Variants in TSPAN18 observed in about 807,000 individuals in gnomAD.
TSPAN18 encodes the protein tetraspanin 18, also known as tetraspanin-18.
TSPAN18 carries 14 observed loss-of-function variants against 27.3 expected under a neutral mutation model. The observed-to-expected ratio is 0.51, with a 90% CI of 0.34 to 0.80. The LOEUF (loss-of-function observed/expected upper bound fraction) is 0.80, where lower values mean the gene tolerates loss of function less well. Ranked by LOEUF, TSPAN18 falls within the 30% of genes least tolerant of loss-of-function variation. The probability of loss-of-function intolerance (pLI) is 0.01; values close to 1 mark genes in which losing one functional copy is unlikely to be tolerated. For missense variants in TSPAN18, 268 were observed against 323.9 expected, an observed-to-expected ratio of 0.83 and a Z score of 1.32; for synonymous variants, 143 against 136.5, an observed-to-expected ratio of 1.05 and a Z score of -0.33.
chr11:44,748,060 C>A (rs1045195085), intron 1 of TSPAN18, among the ~76,000 whole-genome samples: 10 of 152,186 alleles, frequency 6.6e-5, no homozygotes, highest in African/African-American at 2.4e-4. Flanking sequence ...CCTCTCTGGG[C>A]CCTGGTTTCC....
chr11:44,929,272 A>G lies in TSPAN18; in HGVS notation c.*94A>G. On this transcript the variant is annotated 3_prime_UTR_variant, in exon 10 of 10. Coordinates refer to ENST00000520358, the MANE Select transcript of TSPAN18 (RefSeq NM_130783.5). ...CCCTCCCCGCTGTCCTCTTGGCCCC[A>G]GGGGAGAAGATGAGGCCATCAGAGA... 1.3e-6 allele frequency: 2 copies of G among 1,508,008 alleles called. No individual in the cohort carries two copies. The highest frequency in any genetic ancestry group is 2.3e-5 in the East Asian group (1 of 44,192). 93.4% of individuals were successfully genotyped at this position (1,508,008 alleles called of 1,614,324 possible).
intron 2 of TSPAN18, among the ~76,000 whole-genome samples, chr11:44,832,812 A>G (rs1857183722): frequency 6.6e-6 from 1 of 151,958 alleles, no homozygotes; most frequent in Non-Finnish European, 1.5e-5. Context: ...GACTTCACTT[A>G]TCCAGGTTCA....
chr11:44,775,014 C>G (rs989719726), intron 2 of TSPAN18, among the ~76,000 whole-genome samples: 1 of 152,182 alleles, frequency 6.6e-6, no homozygotes, highest in African/African-American at 2.4e-5. Flanking sequence ...CCTGGCCTTA[C>G]AGTTTGTGAG....
intron 2 of TSPAN18, among the ~76,000 whole-genome samples, chr11:44,843,178 C>T (rs1254897762): frequency 1.3e-5 from 2 of 152,154 alleles, no homozygotes; most frequent in Non-Finnish European, 2.9e-5. Flanking sequence ...CCCCAATAAT[C>T]ACATAGGTTC....
chr11:44,884,256 A>T (rs891372151), intron 3 of TSPAN18, among the ~76,000 whole-genome samples: 2 of 152,188 alleles, frequency 1.3e-5, no homozygotes, highest in Non-Finnish European at 2.9e-5. Context: ...GTCATCCATT[A>T]TGGCCCCAGA....
At chr11:44,902,546 C>T in intron 3 of TSPAN18, among the ~76,000 whole-genome samples, 1 of 152,232 alleles carries the variant, frequency 6.6e-6, no homozygotes, top group East Asian at 1.9e-4. Flanking sequence ...AGATGCTTAA[C>T]AGCCAGTATG....
rs1278720815 is a variant in TSPAN18 at position 44,851,612 on chromosome 11, A to ACCCCC, written c.-152-8714_-152-8713insCCCCC. Among the ~76,000 whole-genome samples the ACCCCC allele has an allele frequency of 3.6e-3, 395 of 110,636 alleles. 37 individuals are homozygous for ACCCCC. The highest frequency in any genetic ancestry group is 4.5e-3 in the Non-Finnish European group (221 of 49,108). The allele number at this position is 110,636 out of a possible 152,430, so 72.6% of individuals were successfully genotyped here. ...CTCTGTTAGCCCAGGTACTCTTGTC[A>ACCCCC]CCTCCCCCCCCCAACGGCTGGGTCC... On this transcript the variant is annotated intron_variant, in intron 2 of 9. Transcript: ENST00000520358.
intron 1 of TSPAN18, among the ~76,000 whole-genome samples, chr11:44,752,303 G>A (rs1423353983): frequency 6.6e-6 from 1 of 152,176 alleles, no homozygotes; most frequent in East Asian, 1.9e-4. Context: ...TCCACATTTT[G>A]TTCTTTGTTT....
intron 3 of TSPAN18, among the ~76,000 whole-genome samples, chr11:44,875,020 C>T (rs1297743513): frequency 6.6e-6 from 1 of 152,208 alleles, no homozygotes; most frequent in Non-Finnish European, 1.5e-5. Context: ...ACCCACTTCC[C>T]CTGCTCCCCC....
chr11:44,768,325 G>T (rs1295978257), intron 2 of TSPAN18, among the ~76,000 whole-genome samples: 1 of 152,072 alleles, frequency 6.6e-6, no homozygotes, highest in East Asian at 1.9e-4. Flanking sequence ...TATTTTATTA[G>T]ATTTATTCTC....
At chr11:44,812,324 C>T (rs1033051699) in intron 2 of TSPAN18, among the ~76,000 whole-genome samples, 1 of 152,162 alleles carries the variant, frequency 6.6e-6, no homozygotes, top group Non-Finnish European at 1.5e-5. Context: ...ATGTGCTCAG[C>T]GAGGTGCTTG....
chr11:44,820,073 C>A lies in TSPAN18; in HGVS notation c.-152-40255C>A, dbSNP rs546753646. The stretch of plus-strand genomic sequence containing the variant: ...AAATCCAAGGGGCAAAACTGGGACA[C>A]CTCTGAGCCCCTGCGACCAGCAAAT... On this transcript the variant is annotated intron_variant, in intron 2 of 9. Transcript: ENST00000520358. Among the ~76,000 whole-genome samples the A allele has an allele frequency of 2.0e-5, 3 of 152,296 alleles. No homozygotes were observed. In the South Asian group the frequency reaches 6.2e-4, roughly 32 times the overall value.
chr11:44,909,605 C>A (rs1354386981), intron 4 of TSPAN18, 100 bp from the exon 5 acceptor site: 4 of 1,269,982 alleles, frequency 3.1e-6, no homozygotes, highest in African/African-American at 1.5e-5. Context: ...GTGCTTGATG[C>A]CTCTGACCCT....
intron 2 of TSPAN18, among the ~76,000 whole-genome samples, chr11:44,802,570 CTGGA>C (rs111857904): frequency 0.17 from 25,215 of 150,806 alleles, 2,259 homozygotes; most frequent in African/African-American, 0.19. Context: ...CCAGCCCCCA[CTGGA>C]TGGAGCAGAT....
intron 3 of TSPAN18, among the ~76,000 whole-genome samples, chr11:44,888,246 G>T (rs1328382443): frequency 6.6e-6 from 1 of 152,172 alleles, no homozygotes; most frequent in South Asian, 2.1e-4. Context: ...TGGCATCTGA[G>T]ACCCTGTTCT....
At chr11:44,763,687 A>G (rs1855503026) in intron 1 of TSPAN18, among the ~76,000 whole-genome samples, 1 of 152,230 alleles carries the variant, frequency 6.6e-6, no homozygotes, top group Admixed American at 6.5e-5. Flanking sequence ...GGAAGCAAAG[A>G]AACACAGTGT....
intron 1 of TSPAN18, among the ~76,000 whole-genome samples, chr11:44,747,426 G>A (rs141214205): frequency 4.6e-4 from 70 of 152,294 alleles, no homozygotes; most frequent in African/African-American, 1.4e-3. Context: ...GAAAATGGGC[G>A]TGAATCATAG....
In TSPAN18 at chr11:44,799,248, A is replaced by T. The variant is rs568924143; in HGVS notation, c.-153+34736A>T. ...CTTCTTGAACCCTCGTCCCCTTGGAAAACCAGACTAAACTGGTCTCATGGG... is the reference window on the plus strand; with the variant it reads ...CTTCTTGAACCCTCGTCCCCTTGGATAACCAGACTAAACTGGTCTCATGGG... On this transcript the variant is annotated intron_variant, in intron 2 of 9. Transcript: ENST00000520358. Among the ~76,000 whole-genome samples, 10 of 151,838 alleles carry T rather than the reference A, an allele frequency of 6.6e-5. 1 individual carries two copies. Among genetic ancestry groups the T allele is most frequent in the Non-Finnish European group, 1.5e-4 (10 of 67,932 alleles).
intron 1 of TSPAN18, among the ~76,000 whole-genome samples, chr11:44,735,117 T>C (rs1306222018): frequency 6.6e-6 from 1 of 152,220 alleles, no homozygotes; most frequent in Non-Finnish European, 1.5e-5. Flanking sequence ...CACTTGTTCC[T>C]GGGGTCATTG....
Sources: allele counts gnomAD v4.1 joint callset (sites outside exome capture counted in the v4.1 genomes callset), GRCh38; gene constraint gnomAD v4.1.1; transcripts MANE v1.5; gene names NCBI Gene and HGNC (gene_info 2026-07-23, HGNC 2026-07-21).